Variants in TENM3 observed in about 807,000 individuals in gnomAD.
TENM3 encodes teneurin-3.
In TENM3, 63 loss-of-function variants were observed where a neutral mutation model predicts 255.1. The observed-to-expected ratio is 0.25, with a 90% CI of 0.20 to 0.30. The LOEUF (loss-of-function observed/expected upper bound fraction) is 0.30, where lower values mean the gene tolerates loss of function less well. Ranked by LOEUF, TENM3 falls within the 10% of genes least tolerant of loss-of-function variation. TENM3 has a pLI of 1.00. For missense variants in TENM3, 2,929 were observed against 3,461.1 expected (o/e 0.85, Z 3.86); for synonymous variants, 1,306 against 1,322.3 (o/e 0.99, Z 0.27).
chr4:181,900,057 T>C, the TENM3 span, among the ~76,000 whole-genome samples: 2 of 152,202 alleles, frequency 1.3e-5, no homozygotes, highest in African/African-American at 4.8e-5. Context: ...CATAAATTCA[T>C]GAAAATAACA....
chr4:182,695,867 T>C (rs1035141317), intron 12 of TENM3, among the ~76,000 whole-genome samples: 1 of 152,246 alleles, frequency 6.6e-6, no homozygotes, highest in African/African-American at 2.4e-5. Flanking sequence ...CTTTTTCTTT[T>C]AGATGAATAT....
chr4:182,565,545 G>A (rs983202984), intron 3 of TENM3, among the ~76,000 whole-genome samples: 27 of 152,230 alleles, frequency 1.8e-4, no homozygotes, highest in African/African-American at 5.5e-4. Context: ...GTACCTCCAG[G>A]AATGACCTTA....
intron 3 of TENM3, among the ~76,000 whole-genome samples, chr4:182,416,063 T>C (rs1339361977): frequency 6.6e-6 from 1 of 152,238 alleles, no homozygotes; most frequent in Non-Finnish European, 1.5e-5. Flanking sequence ...CTGGAGCCTA[T>C]GTTTTAGAAT....
chr4:182,682,091 C>A, intron 11 of TENM3, 77 bp downstream of exon 11: 1 of 1,218,500 alleles, frequency 8.2e-7, no homozygotes, highest in Admixed American at 2.0e-5. Flanking sequence ...CTTTAAACCT[C>A]CCTTTTTAAA....
intron 6 of TENM3, among the ~76,000 whole-genome samples, chr4:182,660,093 T>G (rs1466995433): frequency 2.7e-5 from 4 of 150,826 alleles, no homozygotes; most frequent in African/African-American, 9.7e-5. Context: ...CATACAATGG[T>G]GTATAGTACA....
At chr4:182,122,220 A>G in the TENM3 span, among the ~76,000 whole-genome samples, 1 of 152,164 alleles carries the variant, frequency 6.6e-6, no homozygotes, top group African/African-American at 2.4e-5. Context: ...AAAGTCATCC[A>G]TGAGGGTTGG....
intron 3 of TENM3, among the ~76,000 whole-genome samples, chr4:182,434,446 T>A (rs1276101284): frequency 6.6e-6 from 1 of 152,140 alleles, no homozygotes; most frequent in Non-Finnish European, 1.5e-5. Flanking sequence ...GTGGATCACC[T>A]GAGGTCAGGA....
chr4:182,800,679 T>G lies in TENM3; in HGVS notation c.*328T>G, dbSNP rs1005508928. 2.0e-5 allele frequency: 4 copies of G among 202,752 alleles called. No individual in the cohort carries two copies. Among genetic ancestry groups the G allele is most frequent in the Admixed American group, 5.7e-5 (1 of 17,654 alleles). 12.6% of individuals were successfully genotyped at this position (202,752 alleles called of 1,614,324 possible). ...TCTAGGCACTGTATTTAACTAACTT[T>G]AAAAAAGAAAAAAAAATGTGTACAG... On this transcript the variant is annotated 3_prime_UTR_variant, in exon 28 of 28. Transcript: ENST00000511685.
chr4:182,154,058 T>G (rs1579521919), intron 1 of TENM3, among the ~76,000 whole-genome samples: 1 of 152,160 alleles, frequency 6.6e-6, no homozygotes, highest in African/African-American at 2.4e-5. Context: ...ATGTAATTTT[T>G]ATCACTTAAT....
At chr4:182,571,288 G>A (rs1323354017) in intron 3 of TENM3, among the ~76,000 whole-genome samples, 1 of 152,180 alleles carries the variant, frequency 6.6e-6, no homozygotes, top group Non-Finnish European at 1.5e-5. Flanking sequence ...CACTTTGGGA[G>A]GCCAAGGCAG....
At chr4:181,862,441 T>C in the TENM3 span, among the ~76,000 whole-genome samples, 1 of 152,130 alleles carries the variant, frequency 6.6e-6, no homozygotes, top group East Asian at 1.9e-4. Flanking sequence ...TTCCATCTCT[T>C]TTTATCAATA....
intron 3 of TENM3, among the ~76,000 whole-genome samples, chr4:182,361,540 G>A (rs1487496690): frequency 1.3e-5 from 2 of 151,934 alleles, no homozygotes; most frequent in East Asian, 1.9e-4. Context: ...CATTCTTCAC[G>A]TAGTTCTCGA....
chr4:182,479,815 G>T (rs1047434704), intron 3 of TENM3, among the ~76,000 whole-genome samples: 2 of 151,784 alleles, frequency 1.3e-5, no homozygotes, highest in Non-Finnish European at 3.0e-5. Context: ...TTTCTTGTGA[G>T]GGAAAACCCA....
chr4:181,558,655 G>A, the TENM3 span, among the ~76,000 whole-genome samples: 1 of 152,198 alleles, frequency 6.6e-6, no homozygotes, highest in Non-Finnish European at 1.5e-5. Flanking sequence ...GGGTTGTGAG[G>A]TTGCAACGTT....
intron 17 of TENM3, among the ~76,000 whole-genome samples, chr4:182,737,295 T>C (rs1468119095): frequency 6.6e-6 from 1 of 152,222 alleles, no homozygotes; most frequent in Non-Finnish European, 1.5e-5. Context: ...TGGCTGAAAT[T>C]ATGTTGTAGA....
chr4:182,392,927 G>T (rs767848807), intron 3 of TENM3, among the ~76,000 whole-genome samples: 1 of 152,148 alleles, frequency 6.6e-6, no homozygotes, highest in East Asian at 1.9e-4. Flanking sequence ...ACTGAATAAC[G>T]ATAGAAATTT....
At chr4:181,633,201 G>A in the TENM3 span, among the ~76,000 whole-genome samples, 2 of 152,130 alleles carry the variant, frequency 1.3e-5, no homozygotes, top group Non-Finnish European at 2.9e-5. Context: ...AACTTGCAAC[G>A]GTAGCCTCAC....
intron 1 of TENM3, among the ~76,000 whole-genome samples, chr4:182,269,101 A>G (rs571452578): frequency 6.6e-6 from 1 of 152,290 alleles, no homozygotes; most frequent in Non-Finnish European, 1.5e-5. Flanking sequence ...AATGACTCAC[A>G]ATATTAATAC....
the TENM3 span, among the ~76,000 whole-genome samples, chr4:182,057,649 C>A: frequency 1.3e-5 from 2 of 152,000 alleles, no homozygotes; most frequent in East Asian, 1.9e-4. Flanking sequence ...GATCCCCCTG[C>A]CTTCGCCTCC....
Sources: gnomAD v4.1 joint callset for allele counts (sites outside exome capture counted in the v4.1 genomes callset) on GRCh38, gnomAD v4.1.1 for gene constraint, MANE v1.5 for transcripts, NCBI Gene and HGNC (gene_info 2026-07-23, HGNC 2026-07-21) for gene names.